Variants in CDH13 observed in about 807,000 individuals in gnomAD.
The protein encoded by CDH13 is cadherin 13, also known as cadherin-13.
Under a neutral mutation model 63.8 loss-of-function variants are expected in CDH13, and 24 were observed. The observed-to-expected ratio is 0.38, with a 90% CI of 0.27 to 0.53. The LOEUF (loss-of-function observed/expected upper bound fraction) is 0.53. Ranked by LOEUF, CDH13 falls within the 20% of genes least tolerant of loss-of-function variation. The probability of loss-of-function intolerance (pLI) is 0.85; values close to 1 mark genes in which losing one functional copy is unlikely to be tolerated. For synonymous variants in CDH13, 503 were observed against 355.3 expected, an observed-to-expected ratio of 1.42 and a Z score of -4.67; for missense variants, 1,049 against 903.1, an observed-to-expected ratio of 1.16 and a Z score of -2.07.
chr16:83,501,950 G>A (rs1436573979), intron 7 of CDH13, among the ~76,000 whole-genome samples: 1 of 152,114 alleles, frequency 6.6e-6, no homozygotes, highest in Non-Finnish European at 1.5e-5. Flanking sequence ...TCAGAGCTTG[G>A]GCTTAGGAAT....
At chr16:83,209,994 A>T (rs74031481) in intron 4 of CDH13, among the ~76,000 whole-genome samples, 3,538 of 152,122 alleles carry the variant, frequency 0.023, 52 homozygotes, top group Middle Eastern at 0.058. Context: ...AAGCAGGTGG[A>T]GACCCATCAA....
chr16:82,793,381 G>GAA (rs11345402), intron 1 of CDH13, among the ~76,000 whole-genome samples: 79 of 149,764 alleles, frequency 5.3e-4, no homozygotes, highest in African/African-American at 1.9e-3. Context: ...AAAAGGGAGG[G>GAA]AAAAAAAAAA....
At chr16:82,820,039 A>AG (rs370070461) in intron 1 of CDH13, among the ~76,000 whole-genome samples, 73 of 152,232 alleles carry the variant, frequency 4.8e-4, no homozygotes, top group African/African-American at 1.7e-3. Flanking sequence ...ACGAGCCAGG[A>AG]GGGTTCCTGG....
At chr16:83,555,934 G>T (rs1364222222) in intron 7 of CDH13, among the ~76,000 whole-genome samples, 1 of 152,152 alleles carries the variant, frequency 6.6e-6, no homozygotes, top group Non-Finnish European at 1.5e-5. Context: ...AATAGTTTTG[G>T]AATAATGGGC....
At chr16:83,460,128 A>G (rs1567687567) in intron 6 of CDH13, among the ~76,000 whole-genome samples, 1 of 152,244 alleles carries the variant, frequency 6.6e-6, no homozygotes, top group African/African-American at 2.4e-5. Flanking sequence ...AAGAAAAATG[A>G]CTAATGTATA....
chr16:82,890,681 T>C (rs1454705997), intron 2 of CDH13, among the ~76,000 whole-genome samples: 1 of 151,860 alleles, frequency 6.6e-6, no homozygotes, highest in African/African-American at 2.4e-5. Flanking sequence ...AGACTAACTT[T>C]TGCTCTGTAG....
intron 7 of CDH13, among the ~76,000 whole-genome samples, chr16:83,517,956 G>A (rs916886535): frequency 6.6e-6 from 1 of 152,048 alleles, no homozygotes; most frequent in Non-Finnish European, 1.5e-5. Flanking sequence ...GAGCCCTGGG[G>A]TGATGAAGTG....
rs181196737 is a variant in CDH13, at chr16:82,832,742, C to G, written c.46-25620C>G. Among the ~76,000 whole-genome samples the G allele has an allele frequency of 1.3e-4, 20 of 152,284 alleles. No homozygotes were observed. In the East Asian group the frequency reaches 2.9e-3, roughly 22 times the overall value. The stretch of plus-strand genomic sequence containing the variant: ...AAGCTTTTGCATCTGGATCAGTCAG[C>G]CTGGTACAAATAACTGTATATTCTG... On this transcript the variant is annotated intron_variant, in intron 1 of 13. Coordinates refer to ENST00000567109, the MANE Select transcript of CDH13 (RefSeq NM_001257.5).
chr16:83,283,105 C>G (rs1412313257), intron 5 of CDH13, among the ~76,000 whole-genome samples: 1 of 152,164 alleles, frequency 6.6e-6, no homozygotes, highest in Non-Finnish European at 1.5e-5. Context: ...TGGTCCTCTT[C>G]TCTAGAAACC....
rs1334554558 is a variant in CDH13, at chr16:83,690,426, G to C, written c.1538+11965G>C. On this transcript the variant is annotated intron_variant, in intron 10 of 13. Transcript: ENST00000567109. ...GCCACACAGCTATCCCGGGTGGAGA[G>C]GTCCAGGTAGAGGAAGCAAGTGGGA... Among the ~76,000 whole-genome samples, 7 of 152,182 alleles carry C rather than the reference G, an allele frequency of 4.6e-5. No individual in the cohort carries two copies. The East Asian group carries it at 1.3e-3, about 29-fold the overall frequency.
intron 7 of CDH13, among the ~76,000 whole-genome samples, chr16:83,553,891 C>A (rs540134760): frequency 6.6e-6 from 1 of 152,314 alleles, no homozygotes; most frequent in Admixed American, 6.5e-5. Context: ...ACATAATATT[C>A]ACCATTTTTA....
At chr16:83,776,236 A>G (rs777672605) in intron 11 of CDH13, among the ~76,000 whole-genome samples, 4 of 152,244 alleles carry the variant, frequency 2.6e-5, no homozygotes, top group Non-Finnish European at 4.4e-5. Flanking sequence ...ACGCCTTCTC[A>G]TCCATTCTAC....
At chr16:83,744,992 C>T (rs1467896873) in intron 10 of CDH13, among the ~76,000 whole-genome samples, 12 of 152,184 alleles carry the variant, frequency 7.9e-5, no homozygotes, top group Non-Finnish European at 1.8e-4. Flanking sequence ...CCATATTAGC[C>T]AATGATCTTG....
intron 11 of CDH13, among the ~76,000 whole-genome samples, chr16:83,764,194 A>T (rs991944934): frequency 6.6e-6 from 1 of 152,102 alleles, no homozygotes; most frequent in South Asian, 2.1e-4. Context: ...ATGAAAAGGC[A>T]CTTATGACCA....
intron 1 of CDH13, among the ~76,000 whole-genome samples, chr16:82,656,102 C>T (rs936687128): frequency 2.0e-5 from 3 of 152,140 alleles, no homozygotes; most frequent in Non-Finnish European, 4.4e-5. Flanking sequence ...GAGCATCTGC[C>T]TTGGACAGAG....
intron 1 of CDH13, among the ~76,000 whole-genome samples, chr16:82,776,620 G>C (rs1400002394): frequency 6.6e-6 from 1 of 152,200 alleles, no homozygotes; most frequent in African/African-American, 2.4e-5. Context: ...GGTTTTAACT[G>C]AATGAGGAAG....
intron 7 of CDH13, among the ~76,000 whole-genome samples, chr16:83,584,870 T>C (rs1248594149): frequency 6.6e-6 from 1 of 151,378 alleles, no homozygotes; most frequent in African/African-American, 2.4e-5. Flanking sequence ...AAAGCGGGAG[T>C]GGGCACGTCA....
intron 3 of CDH13, among the ~76,000 whole-genome samples, chr16:83,107,314 TTGGTGGTGGTTGTGG>T (rs1001313918): frequency 9.9e-6 from 1 of 101,302 alleles, no homozygotes; most frequent in Admixed American, 8.5e-5. Flanking sequence ...TTCGTTGGGG[TTGGTGGTGGTTGTGG>T]TGGTGGTGGT....
chr16:82,801,719 A>T (rs534804429), intron 1 of CDH13, among the ~76,000 whole-genome samples: 1 of 152,220 alleles, frequency 6.6e-6, no homozygotes, highest in Non-Finnish European at 1.5e-5. Flanking sequence ...ATACAAAATT[A>T]TTCCATGTTA....
Sources: gnomAD v4.1 joint callset for allele counts (sites outside exome capture counted in the v4.1 genomes callset) on GRCh38, gnomAD v4.1.1 for gene constraint, MANE v1.5 for transcripts, NCBI Gene and HGNC (gene_info 2026-07-23, HGNC 2026-07-21) for gene names.